Variants in HTT-AS observed in about 807,000 individuals in gnomAD.
HTT-AS encodes HTT antisense RNA (head to head).
At chr4:3,069,508 C>A (rs770234792) in intron 1 of HTT-AS, among the ~76,000 whole-genome samples, 38 of 151,996 alleles carry the variant, frequency 2.5e-4, no homozygotes, top group Non-Finnish European at 4.9e-4. Flanking sequence ...TCAGACTTAA[C>A]CAAAAACCAG....
chr4:3,065,762 C>T (rs1202192634), intron 1 of HTT-AS, among the ~76,000 whole-genome samples: 2 of 152,194 alleles, frequency 1.3e-5, no homozygotes, highest in East Asian at 1.9e-4. Context: ...CTTGTGACTG[C>T]GTGGCTGCCT....
At position 3,060,338 on chromosome 4, in the gene HTT-AS, G is replaced by C. The variant is rs76671990; in HGVS notation, n.1380+2096C>G. ...ATTTACACATTTTAAAGCATCTTTA[G>C]AAACAGGATCTCATTTTGTTGCCCA... On this transcript the variant is annotated intron_variant and non_coding_transcript_variant, in intron 2 of 2. Coordinates refer to ENST00000664062, the Ensembl canonical transcript of HTT-AS. 7.0e-3 allele frequency among the ~76,000 whole-genome samples: 1,071 copies of C among 152,082 alleles called. 7 individuals carry two copies. Among genetic ancestry groups the C allele is most frequent in the Non-Finnish European group, 0.012 (804 of 67,974 alleles).
intron 2 of HTT-AS, among the ~76,000 whole-genome samples, chr4:3,058,793 C>T (rs907775282): frequency 2.0e-5 from 3 of 151,546 alleles, no homozygotes; most frequent in Admixed American, 2.0e-4. Context: ...GATCTCGGCT[C>T]ACTGCAATCT....
intron 2 of HTT-AS, among the ~76,000 whole-genome samples, chr4:3,061,855 A>G (rs1231530925): frequency 2.1e-5 from 3 of 142,568 alleles, no homozygotes; most frequent in Admixed American, 7.0e-5. Flanking sequence ...GGTGGCGAGC[A>G]CCTGTAGTCC....
intron 2 of HTT-AS, among the ~76,000 whole-genome samples, chr4:3,057,487 G>C (rs991927385): frequency 2.6e-5 from 4 of 152,140 alleles, no homozygotes; most frequent in Non-Finnish European, 1.5e-5. Flanking sequence ...GAGGGTTCTT[G>C]GATCTTGCTC....
chr4:3,067,908 AAGAC>A (rs1339368823), intron 1 of HTT-AS, among the ~76,000 whole-genome samples: 2 of 152,130 alleles, frequency 1.3e-5, no homozygotes, highest in East Asian at 3.8e-4. Context: ...CAGAAAACCA[AAGAC>A]AGAGAAAATC....
upstream of HTT-AS, chr4:3,074,543 G>T: frequency 3.1e-6 from 1 of 326,358 alleles, no homozygotes. Flanking sequence ...GGGGGCAGGG[G>T]CGGGCTGGTT....
At chr4:3,047,572 G>A (rs1711615774), downstream of HTT-AS, among the ~76,000 whole-genome samples, 1 of 152,218 alleles carries the variant, frequency 6.6e-6, no homozygotes, top group South Asian at 2.1e-4. Context: ...GCCACTAGAG[G>A]GCTCCCTGGT....
chr4:3,062,275 C>T (rs1435549302), intron 2 of HTT-AS, among the ~76,000 whole-genome samples: 1 of 152,114 alleles, frequency 6.6e-6, no homozygotes, highest in Non-Finnish European at 1.5e-5. Flanking sequence ...AATGGTCCTC[C>T]CGCCTCAGCC....
chr4:3,048,305 T>C (rs1193196058), downstream of HTT-AS, among the ~76,000 whole-genome samples: 1 of 152,190 alleles, frequency 6.6e-6, no homozygotes, highest in East Asian at 1.9e-4. Flanking sequence ...AGCACGTCAT[T>C]CATAGGTTAC....
intron 2 of HTT-AS, among the ~76,000 whole-genome samples, chr4:3,055,867 C>T (rs1711795015): frequency 6.6e-6 from 1 of 152,212 alleles, no homozygotes; most frequent in African/African-American, 2.4e-5. Context: ...CAGTTTCTTT[C>T]AGACCCAGTC....
At chr4:3,049,802 TACA>T (rs1711666179) in intron 2 of HTT-AS, among the ~76,000 whole-genome samples, 1 of 152,128 alleles carries the variant, frequency 6.6e-6, no homozygotes, top group Non-Finnish European at 1.5e-5. Context: ...AGAGCTTTTA[TACA>T]ACCCGGAAAA....
chr4:3,055,405 G>A (rs1711788940), intron 2 of HTT-AS, among the ~76,000 whole-genome samples: 1 of 152,086 alleles, frequency 6.6e-6, no homozygotes, highest in African/African-American at 2.4e-5. Context: ...CCAATCCCAT[G>A]CTTTACTTAG....
At chr4:3,053,959 C>A (rs1711761308) in intron 2 of HTT-AS, among the ~76,000 whole-genome samples, 1 of 151,864 alleles carries the variant, frequency 6.6e-6, no homozygotes, top group Admixed American at 6.6e-5. Flanking sequence ...GAGGTTTCAC[C>A]ATGTTGGCCA....
At chr4:3,066,385 G>A (rs1712059319) in intron 1 of HTT-AS, among the ~76,000 whole-genome samples, 1 of 152,142 alleles carries the variant, frequency 6.6e-6, no homozygotes, top group Non-Finnish European at 1.5e-5. Context: ...GGCCAGGATG[G>A]TCTCGATCTC....
chr4:3,064,824 C>T (rs1712012158), intron 1 of HTT-AS, among the ~76,000 whole-genome samples: 1 of 152,112 alleles, frequency 6.6e-6, no homozygotes, highest in South Asian at 2.1e-4. Flanking sequence ...TAAATTGATA[C>T]CAAAATCTTA....
chr4:3,069,528 C>T (rs61791257), intron 1 of HTT-AS, among the ~76,000 whole-genome samples: 14,120 of 152,024 alleles, frequency 0.093, 1,046 homozygotes, highest in African/African-American at 0.21. Context: ...GGTAACAGAG[C>T]TGGTAGGATA....
intron 1 of HTT-AS, among the ~76,000 whole-genome samples, chr4:3,071,242 G>C (rs755605365): frequency 2.0e-5 from 3 of 152,154 alleles, no homozygotes; most frequent in Non-Finnish European, 2.9e-5. Flanking sequence ...ACAGATGAAA[G>C]AATTCCAGGC....
At chr4:3,069,094 G>A (rs968857192) in intron 1 of HTT-AS, among the ~76,000 whole-genome samples, 7 of 152,008 alleles carry the variant, frequency 4.6e-5, no homozygotes, top group African/African-American at 1.4e-4. Context: ...TTGATACCTG[G>A]AGGATGAATG....
Sources: allele counts gnomAD v4.1 joint callset (sites outside exome capture counted in the v4.1 genomes callset), GRCh38; gene constraint gnomAD v4.1.1; transcripts MANE v1.5; gene names NCBI Gene and HGNC (gene_info 2026-07-23, HGNC 2026-07-21).